Variants in CEP63 observed in about 807,000 individuals in gnomAD.
CEP63 encodes centrosomal protein of 63 kDa.
Under a neutral mutation model 89.1 loss-of-function variants are expected in CEP63, and 84 were observed. That is an observed-to-expected ratio of 0.94 (90% CI 0.79 to 1.13). CEP63 has a LOEUF of 1.13. Among genes scored for constraint, CEP63 ranks in the 50% most tolerant of loss-of-function variants. The pLI is 0.00. For synonymous variants in CEP63, 267 were observed against 272.5 expected (o/e 0.98, Z 0.20); for missense variants, 838 against 813.3 (o/e 1.03, Z -0.37).
the CEP63 span, among the ~76,000 whole-genome samples, chr3:134,762,482 G>A: frequency 2.0e-5 from 3 of 152,058 alleles, no homozygotes; most frequent in East Asian, 3.8e-4. Flanking sequence ...GAACATGACC[G>A]TATTTCAGGA....
the CEP63 span, among the ~76,000 whole-genome samples, chr3:134,731,874 T>A: frequency 0.027 from 4,050 of 152,138 alleles, 64 homozygotes; most frequent in Non-Finnish European, 0.034. Flanking sequence ...CAGAAAAAAG[T>A]TTGACAATAA....
downstream of CEP63, among the ~76,000 whole-genome samples, chr3:134,590,367 C>T (rs1958576113): frequency 6.6e-6 from 1 of 152,138 alleles, no homozygotes. Flanking sequence ...TAGGTCAATG[C>T]ATGACAATAG....
downstream of CEP63, among the ~76,000 whole-genome samples, chr3:134,576,941 AG>A (rs1356644701): frequency 6.6e-6 from 1 of 152,186 alleles, no homozygotes; most frequent in Non-Finnish European, 1.5e-5. Flanking sequence ...TTCAAATGTT[AG>A]CACCAATTAA....
chr3:134,706,757 G>A, the CEP63 span, among the ~76,000 whole-genome samples: 1 of 152,242 alleles, frequency 6.6e-6, no homozygotes, highest in Non-Finnish European at 1.5e-5. Context: ...GTTGGTTCCT[G>A]CTGGATGCTC....
At chr3:134,770,974 TA>T in the CEP63 span, among the ~76,000 whole-genome samples, 1 of 152,206 alleles carries the variant, frequency 6.6e-6, no homozygotes, top group Non-Finnish European at 1.5e-5. Context: ...CTGATTCCCT[TA>T]GCAACCGTCT....
downstream of CEP63, among the ~76,000 whole-genome samples, chr3:134,566,688 A>G (rs1262508512): frequency 6.6e-6 from 1 of 152,232 alleles, no homozygotes; most frequent in Non-Finnish European, 1.5e-5. Flanking sequence ...AAAGATGTTC[A>G]ACATCATTAG....
chr3:134,713,945 A>T, the CEP63 span, among the ~76,000 whole-genome samples: 1 of 152,230 alleles, frequency 6.6e-6, no homozygotes, highest in African/African-American at 2.4e-5. Context: ...ACAAGTGCTC[A>T]GACTGTCCGA....
the CEP63 span, among the ~76,000 whole-genome samples, chr3:134,658,472 G>A: frequency 2.6e-5 from 4 of 152,160 alleles, no homozygotes; most frequent in African/African-American, 9.7e-5. Flanking sequence ...CTCTTTGAGG[G>A]CCAGGGGGCC....
the CEP63 span, among the ~76,000 whole-genome samples, chr3:134,757,781 C>A: frequency 6.6e-6 from 1 of 152,100 alleles, no homozygotes; most frequent in East Asian, 1.9e-4. Context: ...GGGGTCCCCA[C>A]CAAAGGTAGT....
At chr3:134,693,891 C>T in the CEP63 span, among the ~76,000 whole-genome samples, 11 of 152,154 alleles carry the variant, frequency 7.2e-5, 1 homozygote, top group Admixed American at 5.2e-4. Flanking sequence ...GTCTTCCTGG[C>T]GGTGCGTGAG....
At chr3:134,518,929 A>C (rs1269390159) in intron 3 of CEP63, among the ~76,000 whole-genome samples, 1 of 152,138 alleles carries the variant, frequency 6.6e-6, no homozygotes, top group African/African-American at 2.4e-5. Context: ...AAAGGGGGGA[A>C]AATAACTAAT....
the CEP63 span, chr3:134,604,468 C>T: frequency 1.9e-6 from 3 of 1,602,810 alleles, no homozygotes; most frequent in Non-Finnish European, 2.6e-6. Context: ...CGTGGCCTTC[C>T]CATTCACTGA....
the CEP63 span, among the ~76,000 whole-genome samples, chr3:134,617,546 A>C: frequency 6.6e-6 from 1 of 152,246 alleles, no homozygotes; most frequent in East Asian, 1.9e-4. Flanking sequence ...TCTGGAAAGT[A>C]ATATGACCAA....
At chr3:134,768,725 C>A in the CEP63 span, among the ~76,000 whole-genome samples, 1 of 152,202 alleles carries the variant, frequency 6.6e-6, no homozygotes, top group African/African-American at 2.4e-5. Context: ...AACATTCTAT[C>A]CCCTGGTTAT....
rs146607445 is a variant in CEP63, at chr3:134,510,454, C to T, written c.222+3168C>T. Reference sequence around the variant, plus strand: ...AGAACCGGAGTTCACCTATCAGCAACACCACCATGGAATCGACTGTTGAGC... The same window carrying T: ...AGAACCGGAGTTCACCTATCAGCAATACCACCATGGAATCGACTGTTGAGC... On this transcript the variant is annotated intron_variant, in intron 3 of 14. Transcript: ENST00000675561. 92 of 281,538 alleles carry T rather than the reference C, an allele frequency of 3.3e-4. 1 individual carries two copies. The highest frequency in any genetic ancestry group is 5.3e-4 in the Non-Finnish European group (75 of 142,820). 17.4% of individuals were successfully genotyped at this position (281,538 alleles called of 1,614,324 possible).
the CEP63 span, chr3:134,643,451 G>A: frequency 3.0e-6 from 4 of 1,333,512 alleles, no homozygotes; most frequent in Non-Finnish European, 3.2e-6. Flanking sequence ...AGAGCTGTAT[G>A]TGTTTGCGGG....
chr3:134,506,083 G>A lies in CEP63; in HGVS notation c.45-1026G>A, dbSNP rs368748109. ...ACTCTTAAGAAGCAAAAGTACAAAG[G>A]TTCTGTCACACTAAGAACAGGTGCT... On this transcript the variant is annotated intron_variant, in intron 2 of 14. Coordinates refer to ENST00000675561, the MANE Select transcript of CEP63 (RefSeq NM_001353108.3). Among the ~76,000 whole-genome samples the A allele has an allele frequency of 5.9e-5, 9 of 152,114 alleles. No homozygotes were observed. In the East Asian group the frequency reaches 1.7e-3, roughly 29 times the overall value.
chr3:134,641,010 A>C, the CEP63 span: 1 of 151,890 alleles, frequency 6.6e-6, no homozygotes. Flanking sequence ...TGCTACCCCC[A>C]CCTTGCCCAT....
At chr3:134,587,076 C>T (rs1374045952) in intron 10 of CEP63, among the ~76,000 whole-genome samples, 3 of 152,134 alleles carry the variant, frequency 2.0e-5, no homozygotes, top group Admixed American at 2.0e-4. Context: ...GCTGTTTATT[C>T]TAGTTAGCCA....
Sources: gnomAD v4.1 joint callset for allele counts (sites outside exome capture counted in the v4.1 genomes callset) on GRCh38, gnomAD v4.1.1 for gene constraint, MANE v1.5 for transcripts, NCBI Gene and HGNC (gene_info 2026-07-23, HGNC 2026-07-21) for gene names.